The following NMNAT2 variants were observed in gnomAD, a reference collection of about 807,000 sequenced individuals.
NMNAT2 encodes nicotinamide nucleotide adenylyltransferase 2.
Under a neutral mutation model 41.6 loss-of-function variants are expected in NMNAT2, and 11 were observed. That is an observed-to-expected ratio of 0.26 (90% CI 0.17 to 0.44). The LOEUF (loss-of-function observed/expected upper bound fraction) is 0.44, where lower values mean the gene tolerates loss of function less well. Among genes scored for constraint, NMNAT2 ranks in the 20% least tolerant of loss-of-function variants. The pLI, the probability that NMNAT2 is intolerant of heterozygous loss-of-function variation, is 1.00. For missense variants in NMNAT2, 288 were observed against 407.7 expected, an observed-to-expected ratio of 0.71 and a Z score of 2.53; for synonymous variants, 148 against 151.2, an observed-to-expected ratio of 0.98 and a Z score of 0.16.
At chr1:183,370,425 G>A (rs1663510119) in intron 1 of NMNAT2, among the ~76,000 whole-genome samples, 1 of 152,188 alleles carries the variant, frequency 6.6e-6, no homozygotes, top group Non-Finnish European at 1.5e-5. Context: ...CTGGTATGCT[G>A]AGAATAAGGG....
chr1:183,353,558 G>A (rs1250919482), intron 1 of NMNAT2, among the ~76,000 whole-genome samples: 1 of 152,176 alleles, frequency 6.6e-6, no homozygotes, highest in Non-Finnish European at 1.5e-5. Flanking sequence ...GTGAGGTGGT[G>A]TTTCTGGGGC....
chr1:183,349,949 C>G (rs1283097053), intron 1 of NMNAT2, among the ~76,000 whole-genome samples: 1 of 152,144 alleles, frequency 6.6e-6, no homozygotes, highest in African/African-American at 2.4e-5. Flanking sequence ...TCAGGATTCC[C>G]TTGCTTGGAC....
At chr1:183,275,568 C>T (rs1661100798) in intron 8 of NMNAT2, among the ~76,000 whole-genome samples, 2 of 151,662 alleles carry the variant, frequency 1.3e-5, no homozygotes, top group Admixed American at 1.3e-4. Context: ...TCCCTGCTGG[C>T]CTGGGACGTG....
At chr1:183,391,702 T>C (rs920811296) in intron 1 of NMNAT2, among the ~76,000 whole-genome samples, 7 of 152,192 alleles carry the variant, frequency 4.6e-5, no homozygotes, top group Non-Finnish European at 7.4e-5. Context: ...TCTGCCCCCT[T>C]CATTCCAGCA....
At chr1:183,384,074 C>T (rs963390017) in intron 1 of NMNAT2, among the ~76,000 whole-genome samples, 2 of 152,142 alleles carry the variant, frequency 1.3e-5, no homozygotes, top group Non-Finnish European at 2.9e-5. Context: ...CTCATGGTTC[C>T]ACAGGCTGTA....
intron 1 of NMNAT2, among the ~76,000 whole-genome samples, chr1:183,300,940 A>G (rs1293423967): frequency 2.6e-5 from 4 of 152,204 alleles, no homozygotes; most frequent in Non-Finnish European, 5.9e-5. Flanking sequence ...TCTTTTTAGA[A>G]TATAGATTCT....
intron 1 of NMNAT2, among the ~76,000 whole-genome samples, chr1:183,358,428 T>C (rs575843668): frequency 1.8e-4 from 28 of 152,166 alleles, no homozygotes; most frequent in Non-Finnish European, 3.8e-4. Flanking sequence ...AAAATATATA[T>C]ACAACTTAAA....
chr1:183,313,710 T>A (rs1662179493), intron 1 of NMNAT2, among the ~76,000 whole-genome samples: 1 of 152,232 alleles, frequency 6.6e-6, no homozygotes, highest in African/African-American at 2.4e-5. Flanking sequence ...GGTCTCGAAC[T>A]CTTGGCCTCA....
chr1:183,337,569 CA>C (rs71127343), intron 1 of NMNAT2, among the ~76,000 whole-genome samples: 218 of 100,638 alleles, frequency 2.2e-3, no homozygotes, highest in Middle Eastern at 6.0e-3. Flanking sequence ...CTCTCCACAG[CA>C]AAAAAAAAAA....
At chr1:183,285,172 G>A (rs1661371293) in intron 5 of NMNAT2, among the ~76,000 whole-genome samples, 2 of 152,176 alleles carry the variant, frequency 1.3e-5, no homozygotes, top group Non-Finnish European at 2.9e-5. Flanking sequence ...TTTCTTTCAT[G>A]TTTTAAATGT....
At chr1:183,360,348 C>T (rs184302025) in intron 1 of NMNAT2, among the ~76,000 whole-genome samples, 2 of 152,186 alleles carry the variant, frequency 1.3e-5, no homozygotes, top group South Asian at 2.1e-4. Flanking sequence ...CCTACACCCC[C>T]GAGGGTAAGA....
At chr1:183,377,556 A>C (rs1663705880) in intron 1 of NMNAT2, among the ~76,000 whole-genome samples, 1 of 152,236 alleles carries the variant, frequency 6.6e-6, no homozygotes, top group Non-Finnish European at 1.5e-5. Flanking sequence ...GGGTAACAGC[A>C]ACATAGACTT....
chr1:183,415,661 G>A (rs2788045), intron 1 of NMNAT2, among the ~76,000 whole-genome samples: 100,809 of 152,056 alleles, frequency 0.66, 33,631 homozygotes, highest in East Asian at 0.85. Context: ...TGTAAAATAA[G>A]GGTAATAATG....
At chr1:183,324,497 T>G (rs1662420203) in intron 1 of NMNAT2, among the ~76,000 whole-genome samples, 1 of 152,210 alleles carries the variant, frequency 6.6e-6, no homozygotes, top group South Asian at 2.1e-4. Flanking sequence ...CTGCTTATCT[T>G]GACCCAGAAG....
At chr1:183,302,897 C>T (rs531078310) in intron 1 of NMNAT2, among the ~76,000 whole-genome samples, 1 of 152,288 alleles carries the variant, frequency 6.6e-6, no homozygotes, top group East Asian at 1.9e-4. Flanking sequence ...CTGGAGCCTC[C>T]TTGCTGGCCC....
intron 1 of NMNAT2, among the ~76,000 whole-genome samples, chr1:183,338,543 G>A (rs996593775): frequency 2.6e-5 from 4 of 152,100 alleles, no homozygotes; most frequent in African/African-American, 7.2e-5. Context: ...TGACTCACAC[G>A]GTCTTATGAT....
chr1:183,288,261 C>T (rs1661444907), intron 4 of NMNAT2, among the ~76,000 whole-genome samples: 1 of 152,226 alleles, frequency 6.6e-6, no homozygotes, highest in Admixed American at 6.5e-5. Context: ...CCTGCATTCT[C>T]AGAGGCCTTG....
intron 1 of NMNAT2, among the ~76,000 whole-genome samples, chr1:183,352,286 G>A (rs748672715): frequency 6.6e-6 from 1 of 152,108 alleles, no homozygotes; most frequent in Non-Finnish European, 1.5e-5. Flanking sequence ...GTGAGAGGCC[G>A]GGTGCAGTGG....
At chr1:183,360,905 A>C (rs946011181) in intron 1 of NMNAT2, among the ~76,000 whole-genome samples, 2 of 152,196 alleles carry the variant, frequency 1.3e-5, no homozygotes, top group Admixed American at 1.3e-4. Flanking sequence ...TAATTATAAA[A>C]ATCTCAAACC....
Sources: gnomAD v4.1 joint callset for allele counts (sites outside exome capture counted in the v4.1 genomes callset) on GRCh38, gnomAD v4.1.1 for gene constraint, MANE v1.5 for transcripts, NCBI Gene and HGNC (gene_info 2026-07-23, HGNC 2026-07-21) for gene names.